PAPSS1: variants seen among roughly 807,000 people sequenced by gnomAD.
PAPSS1 encodes 3'-phosphoadenosine 5'-phosphosulfate synthase 1.
Under a neutral mutation model 72.0 loss-of-function variants are expected in PAPSS1, and 50 were observed. That is an observed-to-expected ratio of 0.69 (90% confidence interval 0.55 to 0.88). The LOEUF (loss-of-function observed/expected upper bound fraction) is 0.88, where lower values mean the gene tolerates loss of function less well. Among genes scored for constraint, PAPSS1 ranks in the 40% least tolerant of loss-of-function variants. The probability of loss-of-function intolerance (pLI) is 0.00; values close to 1 mark genes in which losing one functional copy is unlikely to be tolerated. For synonymous variants in PAPSS1, 261 were observed against 263.6 expected (o/e 0.99, Z 0.09); for missense variants, 657 against 782.2 (o/e 0.84, Z 1.91).
chr4:107,660,642 G>C (rs1392366125), intron 5 of PAPSS1, among the ~76,000 whole-genome samples: 3 of 152,132 alleles, frequency 2.0e-5, no homozygotes, highest in Non-Finnish European at 2.9e-5. Context: ...CACTGGGATG[G>C]TGTTTTTCCC....
intron 1 of PAPSS1, among the ~76,000 whole-genome samples, chr4:107,706,260 A>G (rs1195629328): frequency 1.3e-5 from 2 of 152,096 alleles, no homozygotes; most frequent in African/African-American, 4.8e-5. Flanking sequence ...TTGAACTCCT[A>G]TACCTCAATT....
chr4:107,675,288 C>G (rs1414079455), intron 5 of PAPSS1, among the ~76,000 whole-genome samples: 2 of 151,982 alleles, frequency 1.3e-5, no homozygotes. Context: ...AGACCACTAA[C>G]AAGACTAATA....
At chr4:107,645,585 A>C (rs1726672049) in intron 9 of PAPSS1, among the ~76,000 whole-genome samples, 1 of 152,242 alleles carries the variant, frequency 6.6e-6, no homozygotes, top group Non-Finnish European at 1.5e-5. Context: ...GACTAGAACC[A>C]TATTTTGTTT....
chr4:107,684,419 G>GC (rs1553921267), intron 4 of PAPSS1, among the ~76,000 whole-genome samples: 1 of 152,108 alleles, frequency 6.6e-6, no homozygotes, highest in Non-Finnish European at 1.5e-5. Context: ...TTTTGAAATG[G>GC]CCCTGCAAAG....
chr4:107,659,912 G>A (rs756019627), intron 6 of PAPSS1, 47 bp downstream of exon 6: 11 of 1,011,976 alleles, frequency 1.1e-5, no homozygotes, highest in Middle Eastern at 2.1e-4. Context: ...ACAAACTACT[G>A]TATATAAGGC....
chr4:107,628,665 A>T (rs917187299), intron 11 of PAPSS1, among the ~76,000 whole-genome samples: 12 of 152,218 alleles, frequency 7.9e-5, no homozygotes, highest in African/African-American at 2.9e-4. Flanking sequence ...GATTTGTACT[A>T]AAAGAGCAGG....
intron 6 of PAPSS1, among the ~76,000 whole-genome samples, chr4:107,659,061 C>A (rs191920375): frequency 6.6e-6 from 1 of 152,318 alleles, no homozygotes; most frequent in Admixed American, 6.5e-5. Flanking sequence ...CGTGTATTCA[C>A]TCCATGCAGT....
At chr4:107,678,190 GA>G (rs1238481203) in intron 5 of PAPSS1, among the ~76,000 whole-genome samples, 3 of 144,478 alleles carry the variant, frequency 2.1e-5, no homozygotes, top group Admixed American at 2.1e-4. Context: ...GTATAAAAAA[GA>G]AAAAAAAATC....
At chr4:107,643,719 T>C (rs1726619244) in intron 10 of PAPSS1, among the ~76,000 whole-genome samples, 1 of 152,142 alleles carries the variant, frequency 6.6e-6, no homozygotes, top group Non-Finnish European at 1.5e-5. Flanking sequence ...TGGGTGATGA[T>C]AAAAAATTTT....
At chr4:107,710,143 G>A (rs905594894) in intron 1 of PAPSS1, among the ~76,000 whole-genome samples, 7 of 152,168 alleles carry the variant, frequency 4.6e-5, no homozygotes, top group Middle Eastern at 3.2e-3. Flanking sequence ...ATTAAGGGTT[G>A]AGAATGAGTT....
chr4:107,687,305 T>A, intron 3 of PAPSS1, 128 bp from the exon 4 acceptor site: 1 of 652,460 alleles, frequency 1.5e-6, no homozygotes. Flanking sequence ...TTTTTAAATA[T>A]AAACTGAAAA....
intron 10 of PAPSS1, 127 bp downstream of exon 10, chr4:107,644,675 T>C: frequency 1.2e-6 from 1 of 847,086 alleles, no homozygotes; most frequent in Non-Finnish European, 1.7e-6. Flanking sequence ...CAGGAAAGAA[T>C]GTCATGTATA....
chr4:107,672,483 C>CTG, intron 5 of PAPSS1, among the ~76,000 whole-genome samples: 1 of 152,302 alleles, frequency 6.6e-6, no homozygotes, highest in South Asian at 2.1e-4. Context: ...GCACAGCAGT[C>CTG]TGAGATCAAA....
chr4:107,695,725 C>G (rs1333335814), intron 2 of PAPSS1, among the ~76,000 whole-genome samples: 2 of 152,154 alleles, frequency 1.3e-5, no homozygotes, highest in Admixed American at 6.5e-5. Flanking sequence ...AAAGGCCCTT[C>G]CTGTGTCTAT....
intron 1 of PAPSS1, among the ~76,000 whole-genome samples, chr4:107,706,179 T>C (rs1394002800): frequency 1.3e-5 from 2 of 152,236 alleles, no homozygotes; most frequent in Non-Finnish European, 2.9e-5. Flanking sequence ...TACTTATTTA[T>C]ACCTTTCCCC....
intron 11 of PAPSS1, among the ~76,000 whole-genome samples, chr4:107,623,396 T>G (rs1726018865): frequency 6.6e-6 from 1 of 152,224 alleles, no homozygotes; most frequent in Admixed American, 6.5e-5. Context: ...CCTAGGACAC[T>G]GATGTGCTGC....
At chr4:107,677,764 T>C (rs1352391653) in intron 5 of PAPSS1, among the ~76,000 whole-genome samples, 4 of 152,182 alleles carry the variant, frequency 2.6e-5, no homozygotes, top group Non-Finnish European at 4.4e-5. Context: ...CTATTCACCA[T>C]AGCAAAGACT....
In PAPSS1 at chr4:107,646,292, G is replaced by GATATAT. The variant is rs527908552; in HGVS notation, c.1238-1228_1238-1223dup. Among the ~76,000 whole-genome samples the GATATAT allele has an allele frequency of 6.4e-3, 907 of 142,818 alleles. 4 individuals carry two copies. Among genetic ancestry groups the GATATAT allele is most frequent in the South Asian group, 0.011 (49 of 4,458 alleles). 93.7% of individuals were successfully genotyped at this position (142,818 alleles called of 152,430 possible). The stretch of plus-strand genomic sequence containing the variant: ...ATCCCTTTTGACCACTAGAACTACA[G>GATATAT]ATATATATATATATATATACACACA... On this transcript the variant is annotated intron_variant, in intron 9 of 11. Coordinates refer to ENST00000265174, the MANE Select transcript of PAPSS1 (RefSeq NM_005443.5).
intron 5 of PAPSS1, among the ~76,000 whole-genome samples, chr4:107,664,363 A>G (rs1328021866): frequency 1.3e-5 from 2 of 152,162 alleles, no homozygotes; most frequent in Non-Finnish European, 2.9e-5. Context: ...TGCAGCAGAC[A>G]CATCTTCTGA....
Sources: allele counts gnomAD v4.1 joint callset (sites outside exome capture counted in the v4.1 genomes callset), GRCh38; gene constraint gnomAD v4.1.1; transcripts MANE v1.5; gene names NCBI Gene and HGNC (gene_info 2026-07-23, HGNC 2026-07-21).